FREM1: variants seen among roughly 807,000 people sequenced by gnomAD.
FREM1 encodes FRAS1 related extracellular matrix 1, also known as FRAS1-related extracellular matrix protein 1.
FREM1 carries 220 observed loss-of-function variants against 210.1 expected under a neutral mutation model. That is an observed-to-expected ratio of 1.05 (90% CI 0.94 to 1.17). The LOEUF (loss-of-function observed/expected upper bound fraction) is 1.17, where lower values mean the gene tolerates loss of function less well. FREM1 is among the 50% of genes most tolerant of loss of function. FREM1 has a pLI of 0.00. For missense variants in FREM1, 3,454 were observed against 2,675.5 expected, an observed-to-expected ratio of 1.29 and a Z score of -6.42; for synonymous variants, 1,189 against 980.2, an observed-to-expected ratio of 1.21 and a Z score of -3.98.
In FREM1 at chr9:14,755,198, G is replaced by A. The variant is rs190180382; in HGVS notation, c.5407+1176C>T. Among the ~76,000 whole-genome samples the A allele has an allele frequency of 2.6e-4, 40 of 152,316 alleles. No homozygotes were observed. In the East Asian group the frequency reaches 7.7e-3, roughly 29 times the overall value. ...CAAGCTACCCACTGTTTGATGCTGT[G>A]TTATGACAGCCTGAAGAAACTAACA... On this transcript the variant is annotated intron_variant, in intron 29 of 36. Transcript: ENST00000380880.
chr9:14,907,852 CA>C (rs1266519505), intron 1 of FREM1, among the ~76,000 whole-genome samples: 1 of 152,070 alleles, frequency 6.6e-6, no homozygotes, highest in Non-Finnish European at 1.5e-5. Context: ...AGGAAGATAC[CA>C]AAACTCATTT....
intron 25 of FREM1, chr9:14,774,120 C>A (rs2132577415): frequency 1.9e-6 from 1 of 518,932 alleles, no homozygotes; most frequent in Non-Finnish European, 3.8e-6. Context: ...CATTTCTTTG[C>A]ATTTTTTGGA....
intron 27 of FREM1, among the ~76,000 whole-genome samples, chr9:14,761,303 G>C (rs1845452747): frequency 6.6e-6 from 1 of 152,132 alleles, no homozygotes; most frequent in Non-Finnish European, 1.5e-5. Context: ...CATGGGCTAG[G>C]GGGCAAGGGT....
At chr9:14,882,949 C>CA (rs1237677917) in intron 1 of FREM1, among the ~76,000 whole-genome samples, 2 of 136,542 alleles carry the variant, frequency 1.5e-5, no homozygotes, top group Non-Finnish European at 3.1e-5. Flanking sequence ...ATCTTGCCTC[C>CA]AAAGTTCCCC....
intron 10 of FREM1, among the ~76,000 whole-genome samples, chr9:14,826,691 T>C (rs999235039): frequency 6.6e-6 from 1 of 152,164 alleles, no homozygotes; most frequent in Admixed American, 6.5e-5. Flanking sequence ...CCATTAGTAG[T>C]GATTGGACCA....
Position 14,812,834 on chromosome 9 carries a change from C to A in FREM1, c.2871G>T (p.Glu957Asp), listed in dbSNP as rs371098943. The A allele has an allele frequency of 6.8e-6, 11 of 1,612,226 alleles. No homozygotes were observed. The highest frequency in any genetic ancestry group is 1.3e-5 in the African/African-American group (1 of 74,896). ...DQFSQRDVIS[E>D]AVTYKHTGGE... ...TACCTGTGTGTTTGTATGTCACGGC[C>A]TCTGAGATAACATCTCTCTGAGAGA... The change falls in exon 16 of 37, where the codon GAG (glutamate) becomes GAT (aspartate). Residue 957 changes from glutamate to aspartate, a missense_variant. Coordinates refer to ENST00000380880, the MANE Select transcript of FREM1 (RefSeq NM_001379081.2).
At chr9:14,845,601 G>A (rs572692201) in intron 8 of FREM1, among the ~76,000 whole-genome samples, 72 of 152,212 alleles carry the variant, frequency 4.7e-4, no homozygotes, top group African/African-American at 1.6e-3. Flanking sequence ...CACTGCGCTC[G>A]GCCTAATTTT....
chr9:14,871,637 G>C (rs1206102179), intron 1 of FREM1, among the ~76,000 whole-genome samples: 2 of 152,090 alleles, frequency 1.3e-5, no homozygotes, highest in African/African-American at 4.8e-5. Flanking sequence ...TTCTTTTGCT[G>C]TGCAGAAGCT....
intron 3 of FREM1, among the ~76,000 whole-genome samples, chr9:14,860,720 CATATAT>C (rs200736147): frequency 6.9e-5 from 6 of 86,624 alleles, no homozygotes; most frequent in African/African-American, 3.0e-4. Flanking sequence ...CATATATACA[CATATAT>C]ACACATATAT....
chr9:14,761,686 T>A (rs568884553), intron 27 of FREM1, among the ~76,000 whole-genome samples: 4 of 152,214 alleles, frequency 2.6e-5, no homozygotes, highest in Non-Finnish European at 5.9e-5. Context: ...AGTAGTGTGA[T>A]GAAATCTCAC....
chr9:14,790,458 C>G (rs1466422939), intron 22 of FREM1, among the ~76,000 whole-genome samples: 2 of 152,128 alleles, frequency 1.3e-5, no homozygotes, highest in African/African-American at 4.8e-5. Flanking sequence ...AAAACAGACT[C>G]TTTCAGGTTT....
chr9:14,842,711 A>G, intron 8 of FREM1, 51 bp from the exon 9 acceptor site: 1 of 1,349,234 alleles, frequency 7.4e-7, no homozygotes, highest in Non-Finnish European at 1.0e-6. Flanking sequence ...GTGCAGAAGC[A>G]GCAGCTGTGG....
chr9:14,738,498 A>G (rs1441031545), intron 36 of FREM1, among the ~76,000 whole-genome samples: 3 of 152,210 alleles, frequency 2.0e-5, no homozygotes, highest in Non-Finnish European at 2.9e-5. Context: ...AGAGCCTTGC[A>G]GTGAGTCATT....
intron 25 of FREM1, among the ~76,000 whole-genome samples, chr9:14,771,621 T>C (rs1456621638): frequency 6.6e-6 from 1 of 152,174 alleles, no homozygotes; most frequent in Non-Finnish European, 1.5e-5. Flanking sequence ...CCACCACTGA[T>C]ACTAGAAAAC....
intron 27 of FREM1, 113 bp downstream of exon 27, chr9:14,769,611 T>C (rs1478674940): frequency 3.7e-6 from 4 of 1,082,392 alleles, no homozygotes; most frequent in Admixed American, 3.2e-5. Context: ...TGTGAAATGG[T>C]CTATTAATTT....
At chr9:14,888,924 A>T (rs1836292132) in intron 1 of FREM1, among the ~76,000 whole-genome samples, 1 of 152,140 alleles carries the variant, frequency 6.6e-6, no homozygotes, top group African/African-American at 2.4e-5. Flanking sequence ...ATAGAAAAAA[A>T]ATATCCTTTT....
intron 1 of FREM1, among the ~76,000 whole-genome samples, chr9:14,884,228 C>CA (rs1227483536): frequency 6.6e-6 from 1 of 151,100 alleles, no homozygotes; most frequent in African/African-American, 2.4e-5. Context: ...GACTCCATCT[C>CA]AAAAAAGAAA....
chr9:14,802,597 T>C (rs1483724990), intron 19 of FREM1, among the ~76,000 whole-genome samples: 1 of 152,240 alleles, frequency 6.6e-6, no homozygotes, highest in Non-Finnish European at 1.5e-5. Context: ...TCATGTAGTA[T>C]CTAGTCATTT....
At position 14,780,846 on chromosome 9, in the gene FREM1, A is replaced by T. The variant is rs909972934; in HGVS notation, c.4442+3524T>A. The stretch of plus-strand genomic sequence containing the variant: ...TAAAAAGCACCATGATCACACTTTC[A>T]TTAAAACAGGCTTTCAGCTTTGGTT... On this transcript the variant is annotated intron_variant, in intron 24 of 36. Transcript: ENST00000380880. Among the ~76,000 whole-genome samples the T allele has an allele frequency of 3.3e-5, 5 of 152,340 alleles. No homozygotes were observed. The East Asian group carries it at 7.7e-4, about 23-fold the overall frequency.
Sources: allele counts gnomAD v4.1 joint callset (sites outside exome capture counted in the v4.1 genomes callset), GRCh38; gene constraint gnomAD v4.1.1; transcripts MANE v1.5; gene names NCBI Gene and HGNC (gene_info 2026-07-23, HGNC 2026-07-21).